Variants in CCDC91 observed in about 807,000 individuals in gnomAD.
CCDC91 encodes the protein coiled-coil domain containing 91.
CCDC91 carries 48 observed loss-of-function variants against 63.2 expected under a neutral mutation model. The observed-to-expected ratio is 0.76, with a 90% CI of 0.60 to 0.97. The LOEUF is 0.97. Ranked by LOEUF, CCDC91 falls within the 50% of genes least tolerant of loss-of-function variation. The probability of loss-of-function intolerance (pLI) is 0.00; values close to 1 mark genes in which losing one functional copy is unlikely to be tolerated. For synonymous variants in CCDC91, 167 were observed against 165.8 expected, an observed-to-expected ratio of 1.01 and a Z score of -0.06; for missense variants, 500 against 494.6, an observed-to-expected ratio of 1.01 and a Z score of -0.10.
At chr12:28,538,495 C>T (rs1942368670) in intron 12 of CCDC91, among the ~76,000 whole-genome samples, 1 of 151,892 alleles carries the variant, frequency 6.6e-6, no homozygotes. Context: ...TTTTCTTAAT[C>T]CAGTCTATCA....
At chr12:28,344,851 T>A (rs1264437173) in intron 6 of CCDC91, among the ~76,000 whole-genome samples, 1 of 152,140 alleles carries the variant, frequency 6.6e-6, no homozygotes, top group Non-Finnish European at 1.5e-5. Context: ...TTGCTTAATG[T>A]CAGCCAGATG....
intron 8 of CCDC91, among the ~76,000 whole-genome samples, chr12:28,445,593 A>G (rs1338516980): frequency 6.6e-6 from 1 of 152,216 alleles, no homozygotes; most frequent in East Asian, 1.9e-4. Context: ...GAAAGTCTAT[A>G]TGACTAGCAG....
intron 6 of CCDC91, among the ~76,000 whole-genome samples, chr12:28,313,850 C>T (rs1217328436): frequency 1.3e-5 from 2 of 151,968 alleles, no homozygotes; most frequent in African/African-American, 4.8e-5. Context: ...GAGAACTCCT[C>T]ATTTTAGTAC....
At chr12:28,361,819 C>T (rs1176946724) in intron 6 of CCDC91, among the ~76,000 whole-genome samples, 1 of 130,668 alleles carries the variant, frequency 7.7e-6, no homozygotes, top group Non-Finnish European at 1.5e-5. Context: ...ATCGAAACCA[C>T]CTATGGACCT....
chr12:28,488,202 G>A (rs1951821937), intron 12 of CCDC91, among the ~76,000 whole-genome samples: 1 of 151,698 alleles, frequency 6.6e-6, no homozygotes, highest in Non-Finnish European at 1.5e-5. Flanking sequence ...TTTTATGTGT[G>A]AAATCAATAG....
At chr12:28,264,525 GTATGTATA>G (rs1236448158) in intron 3 of CCDC91, among the ~76,000 whole-genome samples, 2 of 149,082 alleles carry the variant, frequency 1.3e-5, no homozygotes, top group Non-Finnish European at 3.0e-5. Context: ...ATATAAATAT[GTATGTATA>G]TATGTATATA....
chr12:28,268,570 A>G, intron 3 of CCDC91: 2 of 584,606 alleles, frequency 3.4e-6, no homozygotes, highest in Non-Finnish European at 4.3e-6. Flanking sequence ...AGTCTAGAAT[A>G]TCAGTCTCCC....
chr12:28,372,398 A>G (rs1944674197), intron 7 of CCDC91, among the ~76,000 whole-genome samples: 1 of 152,094 alleles, frequency 6.6e-6, no homozygotes, highest in Admixed American at 6.5e-5. Context: ...ATTCCATAGT[A>G]TCTGTAGATT....
intron 3 of CCDC91, among the ~76,000 whole-genome samples, chr12:28,272,572 GA>G (rs542441740): frequency 1.9e-3 from 294 of 151,946 alleles, no homozygotes; most frequent in Non-Finnish European, 3.3e-3. Context: ...TCTGTCCATT[GA>G]ATTTATAATT....
chr12:28,505,232 T>A (rs1269390447), intron 12 of CCDC91, among the ~76,000 whole-genome samples: 1 of 151,894 alleles, frequency 6.6e-6, no homozygotes, highest in Admixed American at 6.6e-5. Context: ...GAATTTTGTA[T>A]ATGAAGTGAT....
intron 6 of CCDC91, among the ~76,000 whole-genome samples, chr12:28,356,778 T>G (rs1388025142): frequency 6.6e-6 from 1 of 152,198 alleles, no homozygotes; most frequent in Non-Finnish European, 1.5e-5. Flanking sequence ...TCAGATATTA[T>G]TTGCTAATTA....
At chr12:28,502,721 G>T (rs1484172466) in intron 12 of CCDC91, among the ~76,000 whole-genome samples, 4 of 151,248 alleles carry the variant, frequency 2.6e-5, no homozygotes, top group Admixed American at 2.0e-4. Context: ...CATGGTACTG[G>T]TACCAAAACA....
intron 11 of CCDC91, among the ~76,000 whole-genome samples, chr12:28,479,821 G>A (rs1951344240): frequency 6.8e-6 from 1 of 147,112 alleles, no homozygotes; most frequent in Admixed American, 6.6e-5. Context: ...TTAAGAGTTA[G>A]CAACTTTTGA....
chr12:28,409,913 GT>G (rs1233874722), intron 8 of CCDC91, among the ~76,000 whole-genome samples: 1 of 151,798 alleles, frequency 6.6e-6, no homozygotes, highest in Non-Finnish European at 1.5e-5. Flanking sequence ...TACTTATGTG[GT>G]TTGAATACAT....
chr12:28,443,629 G>GA (rs753638996), intron 8 of CCDC91, among the ~76,000 whole-genome samples: 22 of 140,244 alleles, frequency 1.6e-4, no homozygotes, highest in Non-Finnish European at 2.8e-4. Flanking sequence ...AACCTAATAT[G>GA]ATGAAAAAAA....
intron 3 of CCDC91, among the ~76,000 whole-genome samples, chr12:28,265,632 GT>G (rs5797262): frequency 0.39 from 59,887 of 151,616 alleles, 12,352 homozygotes; most frequent in Middle Eastern, 0.5. Context: ...TACTAACCCT[GT>G]TTTTCCAGTA....
chr12:28,220,945 C>A (rs553082580), intron 1 of CCDC91, among the ~76,000 whole-genome samples: 1 of 152,036 alleles, frequency 6.6e-6, no homozygotes, highest in African/African-American at 2.4e-5. Flanking sequence ...TCTCGCTATT[C>A]TTTAGCTTCT....
At chr12:28,481,644 A>G (rs1951453119) in intron 11 of CCDC91, among the ~76,000 whole-genome samples, 1 of 152,020 alleles carries the variant, frequency 6.6e-6, no homozygotes, top group African/African-American at 2.4e-5. Flanking sequence ...ATTGGGCCTG[A>G]TTAGAAAGTA....
chr12:28,489,809 A>G (rs1459324298), intron 12 of CCDC91, among the ~76,000 whole-genome samples: 1 of 151,862 alleles, frequency 6.6e-6, no homozygotes, highest in Non-Finnish European at 1.5e-5. Context: ...TGCATCTCCA[A>G]CTATTAAAAG....
Sources: gnomAD v4.1 joint callset for allele counts (sites outside exome capture counted in the v4.1 genomes callset) on GRCh38, gnomAD v4.1.1 for gene constraint, MANE v1.5 for transcripts, NCBI Gene and HGNC (gene_info 2026-07-23, HGNC 2026-07-21) for gene names.